The following WTAP variants were observed in gnomAD, a reference collection of about 807,000 sequenced individuals.
The protein encoded by WTAP is WT1 associated protein, also known as pre-mRNA-splicing regulator WTAP.
A neutral mutation model predicts 50.0 loss-of-function variants in WTAP; 8 were observed. The ratio of observed to expected loss-of-function variants is 0.16; its 90% confidence interval spans 0.09 to 0.29. The LOEUF is 0.29. WTAP is among the 10% of genes least tolerant of loss of function. The probability of loss-of-function intolerance (pLI) is 1.00; values close to 1 mark genes in which losing one functional copy is unlikely to be tolerated. For synonymous variants in WTAP, 194 were observed against 169.0 expected (o/e 1.15, Z -1.15); for missense variants, 295 against 470.7 (o/e 0.63, Z 3.45).
At chr6:159,730,403 A>G (rs1345391106) in intron 1 of WTAP, among the ~76,000 whole-genome samples, 1 of 152,178 alleles carries the variant, frequency 6.6e-6, no homozygotes, top group Non-Finnish European at 1.5e-5. Context: ...ATGAATCTAG[A>G]ATTGACTTTA....
intron 5 of WTAP, among the ~76,000 whole-genome samples, chr6:159,747,454 A>G (rs542562737): frequency 6.6e-6 from 1 of 152,328 alleles, no homozygotes; most frequent in East Asian, 1.9e-4. Context: ...TTACAATTCT[A>G]TGATTCGGAT....
rs568876253 is a variant in WTAP, at chr6:159,743,828, A to G, written c.273+36A>G. ...CAAGTTATATAAATGTCTTTAGTTG[A>G]GGAATTGGTTTTTAGTCCACATTAT... is the stretch of plus-strand genomic sequence containing the variant. On this transcript the variant is annotated intron_variant, in intron 5 of 7. Coordinates refer to ENST00000621533, the MANE Select transcript of WTAP (RefSeq NM_001270531.2). The G allele has an allele frequency of 3.9e-6, 6 of 1,555,812 alleles. No homozygotes were observed. The South Asian group carries it at 5.0e-5, about 13-fold the overall frequency.
intron 1 of WTAP, among the ~76,000 whole-genome samples, chr6:159,735,509 G>T (rs899016267): frequency 3.3e-5 from 5 of 152,284 alleles, no homozygotes; most frequent in Admixed American, 6.5e-5. Context: ...CCAGCACTTT[G>T]GGAGGCCAAG....
At chr6:159,744,365 GC>G (rs1779440611) in intron 5 of WTAP, among the ~76,000 whole-genome samples, 1 of 152,126 alleles carries the variant, frequency 6.6e-6, no homozygotes, top group African/African-American at 2.4e-5. Context: ...ATAATTAGAG[GC>G]AGCTGTATCC....
upstream of WTAP, chr6:159,726,821 A>T: frequency 7.8e-7 from 1 of 1,289,188 alleles, no homozygotes; most frequent in Non-Finnish European, 1.0e-6. Context: ...ATGAGAGGGA[A>T]GGCATCGGTT....
Position 159,753,242 on chromosome 6 carries a change from T to G in WTAP, c.453-218T>G, listed in dbSNP as rs191588923. 211 of 574,152 alleles carry G rather than the reference T, an allele frequency of 3.7e-4. No individual in the cohort carries two copies. In the African/African-American group the frequency reaches 3.8e-3, roughly 10 times the overall value. 35.6% of individuals were successfully genotyped at this position (574,152 alleles called of 1,614,324 possible). A position where few individuals can be genotyped will look rare whatever the true frequency, so the allele number is the denominator to read the frequency against. On this transcript the variant is annotated intron_variant, in intron 6 of 7. Transcript: ENST00000621533. ...GTAATAGAAACAAGGTGTAGCTGTT[T>G]GGGCACTTTTTGTTTAGGGTTTATT...
upstream of WTAP, chr6:159,726,738 A>G (rs1340012448): frequency 7.8e-7 from 1 of 1,279,670 alleles, no homozygotes; most frequent in Non-Finnish European, 1.0e-6. Flanking sequence ...AGAGAACAAT[A>G]GCTCCTCGAT....
At chr6:159,743,576 T>A in intron 4 of WTAP, 89 bp from the exon 5 acceptor site, 1 of 1,264,964 alleles carries the variant, frequency 7.9e-7, no homozygotes, top group Non-Finnish European at 1.1e-6. Flanking sequence ...ACTTGATTAA[T>A]TTTTTGACCC....
At chr6:159,727,904 G>A (rs1379140131) in intron 1 of WTAP, among the ~76,000 whole-genome samples, 1 of 152,194 alleles carries the variant, frequency 6.6e-6, no homozygotes. Context: ...TTTTATCTCT[G>A]TCCTCCGTCC....
intron 7 of WTAP, 40 bp downstream of exon 7, chr6:159,753,654 T>A (rs1444108471): frequency 1.3e-6 from 2 of 1,566,146 alleles, no homozygotes; most frequent in East Asian, 4.5e-5. Flanking sequence ...GTCTCAACTT[T>A]GCATTGGCTT....
intron 2 of WTAP, chr6:159,736,517 T>C (rs1398137456): frequency 9.8e-6 from 4 of 410,208 alleles, no homozygotes; most frequent in African/African-American, 6.1e-5. Context: ...TGGAAAACTT[T>C]AGTTATAATA....
intron 5 of WTAP, among the ~76,000 whole-genome samples, chr6:159,746,881 G>T (rs1010907617): frequency 2.0e-5 from 3 of 152,098 alleles, no homozygotes; most frequent in African/African-American, 7.2e-5. Flanking sequence ...TGACTATTGG[G>T]TCTTTGTAAA....
chr6:159,749,826 C>A (rs1034735486), intron 6 of WTAP, among the ~76,000 whole-genome samples: 1 of 152,204 alleles, frequency 6.6e-6, no homozygotes, highest in Non-Finnish European at 1.5e-5. Context: ...TTTCTTCATG[C>A]TTCCATCCAA....
Position 159,727,580 on chromosome 6 carries a change from C to A in WTAP, c.-132C>A. ...GCAGGGGTTGCGGCGGGACTAGGAGCGCGGCGGGGCCGGCGGCAGAGCTGT... is the reference window on the plus strand; with the variant it reads ...GCAGGGGTTGCGGCGGGACTAGGAGAGCGGCGGGGCCGGCGGCAGAGCTGT... On this transcript the variant is annotated 5_prime_UTR_variant, in exon 1 of 8. Transcript: ENST00000621533. The A allele has an allele frequency of 5.1e-6, 5 of 986,734 alleles. No individual in the cohort carries two copies. Among genetic ancestry groups the A allele is most frequent in the Non-Finnish European group, 6.0e-6 (5 of 831,142 alleles). The allele number at this position is 986,734 out of a possible 1,614,324, so 61.1% of individuals were successfully genotyped here.
rs1562447246 is a variant in WTAP at position 159,727,555 on chromosome 6, G to C, written c.-157G>C. 1 of 989,226 alleles carries C rather than the reference G, an allele frequency of 1.0e-6. No homozygotes were observed. Among genetic ancestry groups the C allele is most frequent in the Non-Finnish European group, 1.2e-6 (1 of 832,856 alleles). 61.3% of individuals were successfully genotyped at this position (989,226 alleles called of 1,614,324 possible). ...GCGAGACCCACAAATAAAGGGGAGC[G>C]CAGGGGTTGCGGCGGGACTAGGAGC... On this transcript the variant is annotated 5_prime_UTR_variant, in exon 1 of 8. Transcript: ENST00000621533.
At position 159,742,126 on chromosome 6, in the gene WTAP, G is replaced by A. The variant is rs781599173; in HGVS notation, c.125G>A (p.Gly42Asp). 3 of 1,607,680 alleles carry A rather than the reference G, an allele frequency of 1.9e-6. No individual in the cohort carries two copies. Among genetic ancestry groups the A allele is most frequent in the Non-Finnish European group, 2.5e-6 (3 of 1,178,194 alleles). The part of the protein sequence containing the change: ...QYEAYVQALE[G>D]KYTDLNSNDV... The stretch of plus-strand genomic sequence containing the variant: ...GAAGCATATGTACAAGCTTTGGAGG[G>A]CAAGTACACAGATCTTAACTGTAAG... The change falls in exon 4 of 8, where the codon GGC becomes GAC. Residue 42 changes from glycine to aspartate, a missense_variant. By Grantham distance (94) the Gly-to-Asp change is moderately conservative. Around this residue, in one of 2 missense-constraint regions of WTAP, gnomAD observed 120 missense variants for 287.6 expected, o/e 0.42. Coordinates refer to ENST00000621533, the MANE Select transcript of WTAP (RefSeq NM_001270531.2).
rs749504965 is a variant in WTAP at position 159,755,330 on chromosome 6, CCTT to C, written c.916_918del (p.Ser306del). 3.7e-6 allele frequency: 6 copies of C among 1,614,250 alleles called. No individual in the cohort carries two copies. Among genetic ancestry groups the C allele is most frequent in the South Asian group, 2.2e-5 (2 of 91,080 alleles). ...GGGCAACACAACCGAAGATGACTTTCCTTCTTCTCCAGGGAATGGTAATAAGTC... is the reference window on the plus strand; with the variant it reads ...GGGCAACACAACCGAAGATGACTTTCCTTCTCCAGGGAATGGTAATAAGTC... On this transcript the variant is annotated inframe_deletion, in exon 8 of 8. Transcript: ENST00000621533.
intron 4 of WTAP, among the ~76,000 whole-genome samples, chr6:159,742,676 A>G (rs1225590972): frequency 6.6e-6 from 1 of 152,194 alleles, no homozygotes; most frequent in East Asian, 1.9e-4. Context: ...AAAAACCAAT[A>G]TATATTGTTT....
Position 159,727,755 on chromosome 6 carries a change from A to G in WTAP, c.-9+52A>G, listed in dbSNP as rs1019796526. 6 of 981,084 alleles carry G rather than the reference A, an allele frequency of 6.1e-6. No individual in the cohort carries two copies. The African/African-American group carries it at 1.0e-4, about 17-fold the overall frequency. The allele number at this position is 981,084 out of a possible 1,614,324, so 60.8% of individuals were successfully genotyped here. On this transcript the variant is annotated intron_variant, in intron 1 of 7. Transcript: ENST00000621533. ...GGACGCGGGGGACCTCCGGGGCCTG[A>G]GGGCTGATGCGCAGCCGCCCCCGGC...
Sources: gnomAD v4.1 joint callset for allele counts (sites outside exome capture counted in the v4.1 genomes callset) on GRCh38, gnomAD v4.1.1 for gene constraint, gnomAD v4.1.1 regional missense constraint, MANE v1.5 for transcripts, NCBI Gene and HGNC (gene_info 2026-07-23, HGNC 2026-07-21) for gene names.